CCDC85A: variants seen among roughly 807,000 people sequenced by gnomAD.
CCDC85A encodes coiled-coil domain containing 85A, also known as coiled-coil domain-containing protein 85A.
In CCDC85A, 38 loss-of-function variants were observed where a neutral mutation model predicts 50.2. That is an observed-to-expected ratio of 0.76 (90% confidence interval 0.58 to 0.99). CCDC85A has a LOEUF of 0.99. CCDC85A is among the 50% of genes least tolerant of loss of function. The pLI is 0.00. For synonymous variants in CCDC85A, 366 were observed against 301.4 expected (o/e 1.21, Z -2.22); for missense variants, 820 against 742.0 (o/e 1.11, Z -1.22).
intron 2 of CCDC85A, among the ~76,000 whole-genome samples, chr2:56,328,969 T>G (rs963255587): frequency 1.2e-4 from 19 of 152,136 alleles, no homozygotes; most frequent in African/African-American, 4.6e-4. Context: ...GTTGCCACAG[T>G]ACACCACATC....
At chr2:56,227,229 A>G in intron 2 of CCDC85A, among the ~76,000 whole-genome samples, 1 of 152,018 alleles carries the variant, frequency 6.6e-6, no homozygotes, top group East Asian at 1.9e-4. Context: ...TTTGTTTTTA[A>G]AAGTCTCATT....
intron 2 of CCDC85A, among the ~76,000 whole-genome samples, chr2:56,306,959 G>C (rs1225817206): frequency 6.6e-6 from 1 of 152,032 alleles, no homozygotes; most frequent in Non-Finnish European, 1.5e-5. Context: ...GCCCATTTTG[G>C]AATGATTGAT....
intron 2 of CCDC85A, among the ~76,000 whole-genome samples, chr2:56,250,356 C>T (rs528455074): frequency 1.5e-4 from 23 of 152,278 alleles, no homozygotes; most frequent in African/African-American, 5.5e-4. Flanking sequence ...GCCTGTGTCT[C>T]TGCAACCTTT....
chr2:56,379,819 G>T (rs186722159), intron 5 of CCDC85A: 2 of 983,872 alleles, frequency 2.0e-6, no homozygotes, highest in East Asian at 2.3e-4. Context: ...TAGTGAGACA[G>T]AAAAAGCTAT....
chr2:56,204,326 T>C (rs776723516), intron 2 of CCDC85A, among the ~76,000 whole-genome samples: 8 of 152,220 alleles, frequency 5.3e-5, no homozygotes, highest in Admixed American at 1.3e-4. Context: ...TAACGACATA[T>C]AATGAAGTGT....
chr2:56,206,668 T>C (rs1676973678), intron 2 of CCDC85A, among the ~76,000 whole-genome samples: 1 of 152,182 alleles, frequency 6.6e-6, no homozygotes, highest in Non-Finnish European at 1.5e-5. Flanking sequence ...TCATCTCTTA[T>C]TAGGCCTCAT....
At chr2:56,206,548 C>T (rs1387391151) in intron 2 of CCDC85A, among the ~76,000 whole-genome samples, 1 of 152,086 alleles carries the variant, frequency 6.6e-6, no homozygotes, top group Non-Finnish European at 1.5e-5. Flanking sequence ...AGCAAGCAAG[C>T]AAGAGGGGGC....
intron 2 of CCDC85A, among the ~76,000 whole-genome samples, chr2:56,206,508 G>T (rs753445540): frequency 9.2e-5 from 14 of 152,084 alleles, no homozygotes; most frequent in Non-Finnish European, 2.1e-4. Context: ...ATCCCATGGT[G>T]GGAGGCAAGA....
chr2:56,219,115 A>G (rs976257048), intron 2 of CCDC85A, among the ~76,000 whole-genome samples: 6 of 150,256 alleles, frequency 4.0e-5, no homozygotes, highest in Non-Finnish European at 5.9e-5. Context: ...TTGTCTTCAC[A>G]CTGACATGCA....
chr2:56,219,403 T>TA (rs1332091796), intron 2 of CCDC85A, among the ~76,000 whole-genome samples: 1 of 151,588 alleles, frequency 6.6e-6, no homozygotes, highest in Non-Finnish European at 1.5e-5. Context: ...CATTTTAAAG[T>TA]CAGTTGTATT....
chr2:56,241,946 A>G lies in CCDC85A; in HGVS notation c.1240+48506A>G, dbSNP rs890887962. Among the ~76,000 whole-genome samples, 47 of 152,286 alleles carry G rather than the reference A, an allele frequency of 3.1e-4. No individual in the cohort carries two copies. The South Asian group carries it at 3.5e-3, about 11-fold the overall frequency. On this transcript the variant is annotated intron_variant, in intron 2 of 5. Coordinates refer to ENST00000407595, the MANE Select transcript of CCDC85A (RefSeq NM_001080433.2). ...TTTGAACTAATTTACATTCCCACCA[A>G]TAGTATACAAGTGTTCCTTTTTCTC...
intron 3 of CCDC85A, among the ~76,000 whole-genome samples, chr2:56,351,701 T>C (rs1346259750): frequency 6.7e-6 from 1 of 148,338 alleles, no homozygotes; most frequent in Non-Finnish European, 1.5e-5. Flanking sequence ...ATGGGGTTGT[T>C]TGTTTTTTTC....
rs574686829 is a variant in CCDC85A, at chr2:56,243,646, T to C, written c.1240+50206T>C. Among the ~76,000 whole-genome samples the C allele has an allele frequency of 4.6e-5, 7 of 152,282 alleles. No individual in the cohort carries two copies. In the South Asian group the frequency reaches 1.5e-3, roughly 32 times the overall value. On this transcript the variant is annotated intron_variant, in intron 2 of 5. Coordinates refer to ENST00000407595, the MANE Select transcript of CCDC85A (RefSeq NM_001080433.2). ...TCCAGGCTTGGCCCCTGGTTCCTTA[T>C]TTAGTTTGTTCAGTGAGGTCATGTT... is the stretch of plus-strand genomic sequence containing the variant.
intron 2 of CCDC85A, among the ~76,000 whole-genome samples, chr2:56,244,191 A>C (rs949598559): frequency 4.6e-5 from 7 of 152,118 alleles, no homozygotes; most frequent in Non-Finnish European, 1.0e-4. Context: ...GCAGGTTCAG[A>C]GATGTCTGGG....
At chr2:56,245,784 AT>A (rs1385232520) in intron 2 of CCDC85A, among the ~76,000 whole-genome samples, 7 of 152,168 alleles carry the variant, frequency 4.6e-5, no homozygotes, top group African/African-American at 1.7e-4. Context: ...TAAGGCCCTT[AT>A]AAAAGAGGCT....
intron 3 of CCDC85A, among the ~76,000 whole-genome samples, chr2:56,354,258 A>T (rs999205587): frequency 6.6e-6 from 1 of 152,246 alleles, no homozygotes; most frequent in African/African-American, 2.4e-5. Flanking sequence ...TACTTTTCAG[A>T]AATTCAGTTC....
intron 2 of CCDC85A, among the ~76,000 whole-genome samples, chr2:56,273,445 A>C (rs1670786596): frequency 6.6e-6 from 1 of 151,396 alleles, no homozygotes; most frequent in Non-Finnish European, 1.5e-5. Flanking sequence ...TAGACTTTAT[A>C]ATAATAACAC....
intron 2 of CCDC85A, among the ~76,000 whole-genome samples, chr2:56,291,723 C>T (rs1671715172): frequency 6.6e-6 from 1 of 150,950 alleles, no homozygotes; most frequent in Non-Finnish European, 1.5e-5. Context: ...ACGTAAGGCC[C>T]TGTAGGCTGA....
At chr2:56,224,225 C>G (rs1326209183) in intron 2 of CCDC85A, among the ~76,000 whole-genome samples, 1 of 152,138 alleles carries the variant, frequency 6.6e-6, no homozygotes, top group Non-Finnish European at 1.5e-5. Flanking sequence ...GCTAGATGGT[C>G]TTTTGTGACT....
Sources: allele counts gnomAD v4.1 joint callset (sites outside exome capture counted in the v4.1 genomes callset), GRCh38; gene constraint gnomAD v4.1.1; transcripts MANE v1.5; gene names NCBI Gene and HGNC (gene_info 2026-07-23, HGNC 2026-07-21).